The following IMMP2L variants were observed in gnomAD, a reference collection of about 807,000 sequenced individuals.
IMMP2L encodes inner mitochondrial membrane peptidase subunit 2.
Under a neutral mutation model 19.3 loss-of-function variants are expected in IMMP2L, and 18 were observed. The ratio of observed to expected loss-of-function variants is 0.93; its 90% CI spans 0.64 to 1.38. The LOEUF is 1.38. IMMP2L is among the 40% of genes most tolerant of loss of function. The pLI is 0.00. For synonymous variants in IMMP2L, 76 were observed against 73.0 expected (o/e 1.04, Z -0.21); for missense variants, 233 against 218.2 (o/e 1.07, Z -0.43).
intron 5 of IMMP2L, among the ~76,000 whole-genome samples, chr7:110,700,563 T>A (rs1794211587): frequency 6.6e-6 from 1 of 152,188 alleles, no homozygotes; most frequent in African/African-American, 2.4e-5. Context: ...AATAACCTCC[T>A]GCCAGCCTAG....
At chr7:110,688,329 A>G (rs1490817980) in intron 5 of IMMP2L, among the ~76,000 whole-genome samples, 1 of 152,076 alleles carries the variant, frequency 6.6e-6, no homozygotes, top group Non-Finnish European at 1.5e-5. Flanking sequence ...AACCTGTACA[A>G]CTATGTTCAC....
intron 3 of IMMP2L, among the ~76,000 whole-genome samples, chr7:111,204,294 C>T (rs903150403): frequency 2.0e-5 from 3 of 152,042 alleles, no homozygotes; most frequent in African/African-American, 7.2e-5. Flanking sequence ...GGATCTGCTT[C>T]TGTTAAAAGT....
At chr7:111,403,271 T>A (rs867511852) in intron 3 of IMMP2L, among the ~76,000 whole-genome samples, 2 of 151,862 alleles carry the variant, frequency 1.3e-5, no homozygotes, top group Non-Finnish European at 2.9e-5. Context: ...TCACTCTCTC[T>A]CTCTCTCTCC....
At chr7:110,963,039 G>T (rs1306492561) in intron 4 of IMMP2L, 8 of 1,525,570 alleles carry the variant, frequency 5.2e-6, no homozygotes, top group South Asian at 1.2e-5. Flanking sequence ...TTTCATTCTT[G>T]TCACTGATTC....
rs1584630146 is a variant in IMMP2L, at chr7:110,727,878, A to G, written c.409-64157T>C. Among the ~76,000 whole-genome samples the G allele has an allele frequency of 6.6e-6, 1 of 152,340 alleles. No homozygotes were observed. Among genetic ancestry groups the G allele is most frequent in the East Asian group, 1.9e-4 (1 of 5,186 alleles). ...ATGAGGTAAATTTTTACAAATAATTACATCTAACAAGTTGTGCTAAGTCAA... is the reference window on the plus strand; with the variant it reads ...ATGAGGTAAATTTTTACAAATAATTGCATCTAACAAGTTGTGCTAAGTCAA... On this transcript the variant is annotated intron_variant, in intron 5 of 5. Transcript: ENST00000405709. The surrounding 1 kb of genome is among the most constrained non-coding windows in gnomAD (Gnocchi z 4.3).
At chr7:111,506,710 A>G (rs1276995899) in intron 2 of IMMP2L, among the ~76,000 whole-genome samples, 2 of 152,024 alleles carry the variant, frequency 1.3e-5, no homozygotes, top group Non-Finnish European at 2.9e-5. Flanking sequence ...TTTTTTTCAA[A>G]CCAGATCTTT....
chr7:110,972,518 G>A (rs7782551), intron 3 of IMMP2L, among the ~76,000 whole-genome samples: 97,240 of 151,848 alleles, frequency 0.64, 31,946 homozygotes, highest in African/African-American at 0.77. Flanking sequence ...AGCTAGAGAA[G>A]AGGTTAATTT....
chr7:110,715,863 A>C (rs1795203083), intron 5 of IMMP2L, among the ~76,000 whole-genome samples: 1 of 152,118 alleles, frequency 6.6e-6, no homozygotes, highest in Non-Finnish European at 1.5e-5. Context: ...TGGGATGTTA[A>C]AGTCTCCCAC....
chr7:111,011,402 G>T (rs1445118426), intron 3 of IMMP2L, among the ~76,000 whole-genome samples: 2 of 151,994 alleles, frequency 1.3e-5, no homozygotes, highest in African/African-American at 2.4e-5. Context: ...TATTATTAAA[G>T]AAAAAAGTAC....
At chr7:111,228,914 A>T (rs1813400470) in intron 3 of IMMP2L, among the ~76,000 whole-genome samples, 1 of 151,984 alleles carries the variant, frequency 6.6e-6, no homozygotes, top group Non-Finnish European at 1.5e-5. Context: ...AATGACCAAG[A>T]AGTAACAGTT....
At chr7:111,481,667 C>G (rs759289447) in intron 3 of IMMP2L, among the ~76,000 whole-genome samples, 6 of 151,872 alleles carry the variant, frequency 4.0e-5, no homozygotes, top group African/African-American at 4.8e-5. Context: ...CACTCCGACA[C>G]TCTTACCAAC....
At chr7:111,550,369 T>C (rs1849338181) in intron 1 of IMMP2L, among the ~76,000 whole-genome samples, 2 of 152,158 alleles carry the variant, frequency 1.3e-5, no homozygotes, top group African/African-American at 4.8e-5. Flanking sequence ...ACTATAAGCA[T>C]ACATACATGG....
In IMMP2L at chr7:110,735,382, C is replaced by G. The variant is rs558618167; in HGVS notation, c.409-71661G>C. 1.1e-4 allele frequency among the ~76,000 whole-genome samples: 16 copies of G among 152,144 alleles called. 1 individual carries two copies. Among genetic ancestry groups the G allele is most frequent in the South Asian group, 1.0e-3 (5 of 4,816 alleles). On this transcript the variant is annotated intron_variant, in intron 5 of 5. Transcript: ENST00000405709. ...TTCTTTCACCAATTAAACTTCCACT[C>G]TTAACCTCATTCTTTGTGTGTCCAC... is the stretch of plus-strand genomic sequence containing the variant.
Position 110,865,467 on chromosome 7 carries a change from C to G in IMMP2L, c.408+21126G>C, listed in dbSNP as rs552389231. Among the ~76,000 whole-genome samples the G allele has an allele frequency of 1.6e-3, 246 of 152,170 alleles. 1 individual carries two copies. The highest frequency in any genetic ancestry group is 5.6e-3 in the African/African-American group (232 of 41,554). ...TGAGTTCTATATCTTAATTATAAAA[C>G]ATTGTTTGAAGCTCTAGCTATGGCT... On this transcript the variant is annotated intron_variant, in intron 5 of 5. Transcript: ENST00000405709.
chr7:111,106,293 T>C (rs1215114824), intron 3 of IMMP2L, among the ~76,000 whole-genome samples: 1 of 151,948 alleles, frequency 6.6e-6, no homozygotes, highest in Non-Finnish European at 1.5e-5. Flanking sequence ...ATTGTTCTCC[T>C]TATTTAATGG....
At chr7:111,336,879 T>C (rs1826478404) in intron 3 of IMMP2L, among the ~76,000 whole-genome samples, 2 of 151,828 alleles carry the variant, frequency 1.3e-5, no homozygotes, top group Non-Finnish European at 2.9e-5. Flanking sequence ...GTCTTATTTA[T>C]ACTGAATAAG....
chr7:111,236,749 T>C (rs1192921050), intron 3 of IMMP2L, among the ~76,000 whole-genome samples: 1 of 152,114 alleles, frequency 6.6e-6, no homozygotes, highest in Non-Finnish European at 1.5e-5. Flanking sequence ...ACTACCAACA[T>C]TCACCTGGGT....
chr7:111,347,210 A>G (rs1004804066), intron 3 of IMMP2L, among the ~76,000 whole-genome samples: 1 of 152,070 alleles, frequency 6.6e-6, no homozygotes, highest in Non-Finnish European at 1.5e-5. Flanking sequence ...GCATACAGAT[A>G]GCAATAGATT....
At chr7:111,391,800 T>C (rs1181216405) in intron 3 of IMMP2L, 3 of 684,382 alleles carry the variant, frequency 4.4e-6, no homozygotes, top group Non-Finnish European at 8.0e-6. Context: ...CAAGGAAACC[T>C]GAATAGAGGT....
Sources: allele counts gnomAD v4.1 joint callset (sites outside exome capture counted in the v4.1 genomes callset), GRCh38; gene constraint gnomAD v4.1.1; non-coding constraint Gnocchi (gnomAD v3.1); transcripts MANE v1.5; gene names NCBI Gene and HGNC (gene_info 2026-07-23, HGNC 2026-07-21).